The following CELF2 variants were observed in gnomAD, a reference collection of about 807,000 sequenced individuals.
The protein encoded by CELF2 is CUGBP Elav-like family member 2.
Under a neutral mutation model 62.6 loss-of-function variants are expected in CELF2, and 8 were observed. The ratio of observed to expected loss-of-function variants is 0.13; its 90% CI spans 0.07 to 0.23. The LOEUF (loss-of-function observed/expected upper bound fraction) is 0.23. Ranked by LOEUF, CELF2 falls within the 10% of genes least tolerant of loss-of-function variation. The pLI, the probability that CELF2 is intolerant of heterozygous loss-of-function variation, is 1.00. For missense variants in CELF2, 333 were observed against 671.0 expected (o/e 0.50, Z 5.56); for synonymous variants, 258 against 250.0 (o/e 1.03, Z -0.30).
At chr10:10,847,984 A>G (rs1456678939) in intron 1 of CELF2, among the ~76,000 whole-genome samples, 1 of 152,218 alleles carries the variant, frequency 6.6e-6, no homozygotes, top group Non-Finnish European at 1.5e-5. Context: ...AAGCACATAT[A>G]GAAGATGGTC....
the CELF2 span, among the ~76,000 whole-genome samples, chr10:10,718,909 C>G: frequency 6.6e-6 from 1 of 151,832 alleles, no homozygotes; most frequent in African/African-American, 2.4e-5. Context: ...TCAAATATTT[C>G]CATTGATTGT....
chr10:11,276,919 T>C (rs2086352739), intron 8 of CELF2, among the ~76,000 whole-genome samples: 2 of 152,260 alleles, frequency 1.3e-5, no homozygotes, highest in Non-Finnish European at 2.9e-5. Context: ...AGCAGATGGC[T>C]AATTTAAAGG....
chr10:11,029,039 T>C (rs183528929), intron 1 of CELF2, among the ~76,000 whole-genome samples: 12 of 152,206 alleles, frequency 7.9e-5, no homozygotes, highest in Admixed American at 7.2e-4. Context: ...ATGGTATGAA[T>C]ATGGAGCAGA....
At chr10:10,749,741 A>G in the CELF2 span, among the ~76,000 whole-genome samples, 2 of 152,274 alleles carry the variant, frequency 1.3e-5, no homozygotes, top group African/African-American at 4.8e-5. Context: ...AAAGACTGGA[A>G]GCAAATTAGT....
intron 1 of CELF2, among the ~76,000 whole-genome samples, chr10:11,126,107 C>T (rs1274706594): frequency 2.0e-5 from 3 of 152,222 alleles, no homozygotes; most frequent in Non-Finnish European, 2.9e-5. Flanking sequence ...TCAAGATACG[C>T]TGTCTGGAAG....
intron 1 of CELF2, among the ~76,000 whole-genome samples, chr10:10,848,551 A>G (rs759349024): frequency 2.0e-5 from 3 of 152,164 alleles, no homozygotes; most frequent in Non-Finnish European, 4.4e-5. Context: ...ATTCAGAGCC[A>G]CCCATAACAG....
chr10:10,710,004 C>T, the CELF2 span, among the ~76,000 whole-genome samples: 1 of 152,178 alleles, frequency 6.6e-6, no homozygotes, highest in African/African-American at 2.4e-5. Flanking sequence ...AGAATATATG[C>T]TTCATTCTTT....
chr10:10,635,507 G>A, the CELF2 span, among the ~76,000 whole-genome samples: 3 of 152,082 alleles, frequency 2.0e-5, no homozygotes, highest in Admixed American at 1.3e-4. Context: ...TTTAACTCTA[G>A]ATTAATTCTA....
intron 1 of CELF2, among the ~76,000 whole-genome samples, chr10:11,052,428 T>C (rs1292842487): frequency 6.6e-6 from 1 of 152,220 alleles, no homozygotes; most frequent in African/African-American, 2.4e-5. Flanking sequence ...CTTTATGCTG[T>C]TACTGACCTG....
chr10:10,890,614 G>T (rs1336824377), intron 1 of CELF2, among the ~76,000 whole-genome samples: 3 of 152,186 alleles, frequency 2.0e-5, no homozygotes, highest in African/African-American at 7.2e-5. Flanking sequence ...GCCTTGAAAG[G>T]TAGCACTTTT....
chr10:10,919,928 T>A, intron 1 of CELF2: 3 of 1,217,782 alleles, frequency 2.5e-6, no homozygotes, highest in Non-Finnish European at 3.1e-6. Flanking sequence ...CAAAATAAAC[T>A]TAATCATACT....
intron 1 of CELF2, among the ~76,000 whole-genome samples, chr10:10,853,919 C>T (rs1473503908): frequency 6.6e-6 from 1 of 152,092 alleles, no homozygotes; most frequent in Non-Finnish European, 1.5e-5. Context: ...TTCGCATGTA[C>T]GAAAGTCAAG....
chr10:11,165,028 C>T lies in CELF2; in HGVS notation c.75-458C>T. On this transcript the variant is annotated intron_variant, in intron 1 of 12. Transcript: ENST00000633077. The surrounding 1 kb of genome is among the most constrained non-coding windows in gnomAD (Gnocchi z 7.4). ...TCTCTCCTCTCTTCCAAAAACCTCC[C>T]AAAAAGGGCGGTGGGGCGGGGGGCG... 1 of 982,180 alleles carries T rather than the reference C, an allele frequency of 1.0e-6. No homozygotes were observed. The highest frequency in any genetic ancestry group is 1.2e-6 in the Non-Finnish European group (1 of 827,788). The allele number at this position is 982,180 out of a possible 1,614,324, so 60.8% of individuals were successfully genotyped here. A position where few individuals can be genotyped will look rare whatever the true frequency, so the allele number is the denominator to read the frequency against.
At chr10:11,059,932 C>G (rs2066308983) in intron 1 of CELF2, among the ~76,000 whole-genome samples, 1 of 152,204 alleles carries the variant, frequency 6.6e-6, no homozygotes, top group Non-Finnish European at 1.5e-5. Context: ...AAGCTTAGCA[C>G]AGAATAGATG....
the CELF2 span, among the ~76,000 whole-genome samples, chr10:10,609,028 C>A: frequency 6.6e-6 from 1 of 152,184 alleles, no homozygotes; most frequent in Non-Finnish European, 1.5e-5. Flanking sequence ...AGCCTCCTTG[C>A]AAACGTAATC....
intron 3 of CELF2, among the ~76,000 whole-genome samples, chr10:11,230,295 A>AT (rs145294311): frequency 4.6e-5 from 7 of 151,210 alleles, no homozygotes; most frequent in Admixed American, 1.3e-4. Flanking sequence ...GAAAAAATTA[A>AT]TTTTTTTTTT....
At chr10:10,541,207 C>A in the CELF2 span, among the ~76,000 whole-genome samples, 1 of 143,150 alleles carries the variant, frequency 7.0e-6, no homozygotes, top group Admixed American at 7.2e-5. Context: ...CATGCCACTG[C>A]ACTCCAGGCT....
the CELF2 span, among the ~76,000 whole-genome samples, chr10:10,627,023 C>T: frequency 2.0e-5 from 3 of 152,098 alleles, no homozygotes; most frequent in Non-Finnish European, 4.4e-5. Context: ...CTTAAGAAGC[C>T]ACTGCTAAGT....
At chr10:10,561,352 T>G in the CELF2 span, among the ~76,000 whole-genome samples, 1 of 152,290 alleles carries the variant, frequency 6.6e-6, no homozygotes, top group East Asian at 1.9e-4. Flanking sequence ...GGGCTTAAGC[T>G]CCTATGTGTT....
Sources: allele counts gnomAD v4.1 joint callset (sites outside exome capture counted in the v4.1 genomes callset), GRCh38; gene constraint gnomAD v4.1.1; non-coding constraint Gnocchi (gnomAD v3.1); transcripts MANE v1.5; gene names NCBI Gene and HGNC (gene_info 2026-07-23, HGNC 2026-07-21).